HLCS: variants seen among roughly 807,000 people sequenced by gnomAD.
The protein encoded by HLCS is holocarboxylase synthetase.
In HLCS, 53 loss-of-function variants were observed where a neutral mutation model predicts 75.0. The observed-to-expected ratio is 0.71, with a 90% confidence interval of 0.57 to 0.89. The LOEUF (loss-of-function observed/expected upper bound fraction) is 0.89, where lower values mean the gene tolerates loss of function less well. Among genes scored for constraint, HLCS ranks in the 40% least tolerant of loss-of-function variants. The pLI, the probability that HLCS is intolerant of heterozygous loss-of-function variation, is 0.00. For missense variants in HLCS, 966 were observed against 1,074.0 expected (o/e 0.90, Z 1.41); for synonymous variants, 431 against 428.6 (o/e 1.01, Z -0.07).
chr21:36,857,872 CT>C (rs1165769369), intron 6 of HLCS, among the ~76,000 whole-genome samples: 1 of 152,064 alleles, frequency 6.6e-6, no homozygotes. Flanking sequence ...TCAATGCAAC[CT>C]CTCCCTCCCA....
intron 6 of HLCS, among the ~76,000 whole-genome samples, chr21:36,794,786 T>C (rs2060977442): frequency 6.6e-6 from 1 of 152,060 alleles, no homozygotes; most frequent in African/African-American, 2.4e-5. Flanking sequence ...AAAGAGGACC[T>C]GATGATGAAC....
chr21:36,812,355 T>C (rs2061538249), intron 6 of HLCS, among the ~76,000 whole-genome samples: 1 of 152,348 alleles, frequency 6.6e-6, no homozygotes, highest in Non-Finnish European at 1.5e-5. Flanking sequence ...CAGAGTATGT[T>C]AGCTAAAGCT....
intron 6 of HLCS, among the ~76,000 whole-genome samples, chr21:36,790,759 A>T (rs1319468339): frequency 6.6e-6 from 1 of 152,206 alleles, no homozygotes; most frequent in Non-Finnish European, 1.5e-5. Flanking sequence ...GGCAGGTCAG[A>T]AGCTGCTATT....
At chr21:36,830,371 G>A (rs1365790874) in intron 6 of HLCS, among the ~76,000 whole-genome samples, 2 of 152,166 alleles carry the variant, frequency 1.3e-5, no homozygotes, top group Non-Finnish European at 2.9e-5. Flanking sequence ...CTGTGGTAAC[G>A]GGAGCATTAA....
intron 6 of HLCS, among the ~76,000 whole-genome samples, chr21:36,822,343 C>G (rs1465726854): frequency 1.3e-5 from 2 of 152,016 alleles, no homozygotes; most frequent in Non-Finnish European, 2.9e-5. Context: ...TTGCTTGAAC[C>G]CGGGAGGCAG....
In HLCS at chr21:36,989,026, TTTTA is replaced by T. The variant is rs1168326459; in HGVS notation, c.-393+1128_-393+1131del. On this transcript the variant is annotated intron_variant, in intron 1 of 11. Transcript: ENST00000336648. ...TCTTTTTCCTTTTAATTTTATTTTA[TTTTA>T]TTTATTTATTTATTTATTTTTTTTG... Among the ~76,000 whole-genome samples the T allele has an allele frequency of 2.4e-4, 34 of 141,204 alleles. No individual in the cohort carries two copies. The East Asian group carries it at 3.4e-3, about 14-fold the overall frequency. The allele number at this position is 141,204 out of a possible 152,430, so 92.6% of individuals were successfully genotyped here.
intron 6 of HLCS, among the ~76,000 whole-genome samples, chr21:36,823,610 GGTGT>G (rs59724760): frequency 0.019 from 2,503 of 132,744 alleles, 42 homozygotes; most frequent in African/African-American, 0.036. Context: ...AAACGTGCAG[GGTGT>G]GTGTGTGTGT....
chr21:36,952,749 C>T (rs1366268358), intron 2 of HLCS, among the ~76,000 whole-genome samples: 2 of 149,006 alleles, frequency 1.3e-5, no homozygotes, highest in Non-Finnish European at 3.0e-5. Flanking sequence ...TGAGATCGTG[C>T]CACTGCACTC....
At chr21:36,906,957 G>A (rs1296422619) in intron 5 of HLCS, among the ~76,000 whole-genome samples, 1 of 152,004 alleles carries the variant, frequency 6.6e-6, no homozygotes, top group Non-Finnish European at 1.5e-5. Flanking sequence ...CCACCCAGTG[G>A]GGAGTGCAGT....
chr21:36,753,424 G>A lies in HLCS; in HGVS notation c.*822C>T, dbSNP rs2089440620. On this transcript the variant is annotated 3_prime_UTR_variant, in exon 11 of 11. Coordinates refer to ENST00000674895, the MANE Select transcript of HLCS (RefSeq NM_001352514.2). This position sits in a 1 kb window ranked among gnomAD's most constrained non-coding sequence, Gnocchi z 4.3. ...TATGAGTGTGCCTTCATCTCCAGCTGTCAGAGCCAAATCGCCCACCTCCTC... is the reference window on the plus strand; with the variant it reads ...TATGAGTGTGCCTTCATCTCCAGCTATCAGAGCCAAATCGCCCACCTCCTC... The A allele has an allele frequency of 6.6e-6, 1 of 152,210 alleles. No individual in the cohort carries two copies. Among genetic ancestry groups the A allele is most frequent in the Non-Finnish European group, 1.5e-5 (1 of 68,070 alleles). The allele number at this position is 152,210 out of a possible 1,614,324, so 9.4% of individuals were successfully genotyped here.
At chr21:36,966,723 G>GGCCGGAAGGGCCGCA (rs2068615347), upstream of HLCS, 1 of 624,758 alleles carries the variant, frequency 1.6e-6, no homozygotes, top group Admixed American at 6.5e-5. Flanking sequence ...GAAGGGCCGC[G>GGCCGGAAGGGCCGCA]CCGCCCCCCC....
At chr21:36,918,561 G>T (rs73387825) in intron 5 of HLCS, among the ~76,000 whole-genome samples, 2 of 152,264 alleles carry the variant, frequency 1.3e-5, no homozygotes, top group East Asian at 3.9e-4. Flanking sequence ...ACATCAACCC[G>T]AGCTGAAAGC....
At chr21:36,844,241 C>T (rs934067427) in intron 6 of HLCS, among the ~76,000 whole-genome samples, 2 of 152,002 alleles carry the variant, frequency 1.3e-5, no homozygotes, top group Non-Finnish European at 2.9e-5. Flanking sequence ...AGGAATGAGC[C>T]ATCGTGGAAC....
chr21:36,760,875 AGACGGGGCTAGCCGAGTGGGTGT>A (rs1359086336), intron 8 of HLCS, among the ~76,000 whole-genome samples: 6 of 152,250 alleles, frequency 3.9e-5, no homozygotes, highest in Admixed American at 1.3e-4. Flanking sequence ...TGGGACACAG[AGACGGGGCTAGCCGAGTGGGTGT>A]CAGAACCACC....
intron 10 of HLCS, among the ~76,000 whole-genome samples, chr21:36,755,991 C>T (rs769272527): frequency 3.3e-5 from 5 of 152,190 alleles, no homozygotes; most frequent in African/African-American, 7.2e-5. Context: ...CTCACTATTT[C>T]GGTTCTTCCC....
intron 5 of HLCS, among the ~76,000 whole-genome samples, chr21:36,919,480 T>G (rs995860577): frequency 1.3e-5 from 2 of 152,182 alleles, no homozygotes; most frequent in Non-Finnish European, 2.9e-5. Flanking sequence ...GCTCAAAGTG[T>G]TCCCACTGCA....
intron 5 of HLCS, among the ~76,000 whole-genome samples, chr21:36,900,865 G>C (rs1461443481): frequency 6.6e-6 from 1 of 152,202 alleles, no homozygotes; most frequent in South Asian, 2.1e-4. Context: ...TAAACATCTG[G>C]AAGGACAGAT....
chr21:36,821,850 T>TA (rs925418153), intron 6 of HLCS, among the ~76,000 whole-genome samples: 1 of 151,888 alleles, frequency 6.6e-6, no homozygotes, highest in African/African-American at 2.4e-5. Flanking sequence ...GCCTTTAAAA[T>TA]GAGACTTGTG....
intron 6 of HLCS, among the ~76,000 whole-genome samples, chr21:36,771,275 A>G (rs1217616150): frequency 6.6e-6 from 1 of 151,250 alleles, no homozygotes; most frequent in Non-Finnish European, 1.5e-5. Flanking sequence ...GAAACAAGAC[A>G]ATCAACAATA....
Sources: gnomAD v4.1 joint callset for allele counts (sites outside exome capture counted in the v4.1 genomes callset) on GRCh38, gnomAD v4.1.1 for gene constraint, Gnocchi (gnomAD v3.1) non-coding constraint, MANE v1.5 for transcripts, NCBI Gene and HGNC (gene_info 2026-07-23, HGNC 2026-07-21) for gene names.